RSRC1: variants seen among roughly 807,000 people sequenced by gnomAD.
RSRC1 encodes arginine and serine rich coiled-coil 1.
In RSRC1, 39 loss-of-function variants were observed where a neutral mutation model predicts 49.1. The observed-to-expected ratio is 0.79, with a 90% CI of 0.61 to 1.04. The LOEUF (loss-of-function observed/expected upper bound fraction) is 1.04, where lower values mean the gene tolerates loss of function less well. Ranked by LOEUF, RSRC1 falls within the 50% of genes least tolerant of loss-of-function variation. The pLI, the probability that RSRC1 is intolerant of heterozygous loss-of-function variation, is 0.00. For synonymous variants in RSRC1, 143 were observed against 130.8 expected, an observed-to-expected ratio of 1.09 and a Z score of -0.63; for missense variants, 388 against 402.4, an observed-to-expected ratio of 0.96 and a Z score of 0.31.
chr3:158,388,758 C>A (rs141599039), intron 6 of RSRC1, among the ~76,000 whole-genome samples: 1 of 152,024 alleles, frequency 6.6e-6, no homozygotes, highest in Non-Finnish European at 1.5e-5. Flanking sequence ...TACAGGCACA[C>A]GCCACCATGC....
chr3:158,489,600 T>C (rs1490532442), intron 7 of RSRC1, among the ~76,000 whole-genome samples: 6 of 152,060 alleles, frequency 3.9e-5, no homozygotes, highest in African/African-American at 7.2e-5. Context: ...AACAAACCAG[T>C]AAAAAACATG....
At chr3:158,189,960 A>G (rs1465591123) in intron 3 of RSRC1, among the ~76,000 whole-genome samples, 3 of 151,832 alleles carry the variant, frequency 2.0e-5, no homozygotes, top group African/African-American at 7.2e-5. Context: ...ATAAATTACT[A>G]CTTTTATTAC....
intron 7 of RSRC1, among the ~76,000 whole-genome samples, chr3:158,465,039 C>T (rs748705304): frequency 1.3e-5 from 2 of 152,130 alleles, no homozygotes; most frequent in Non-Finnish European, 2.9e-5. Context: ...TAGGAAGTTG[C>T]TTACTGTAAA....
At chr3:158,144,334 T>A (rs1716939712) in intron 3 of RSRC1, among the ~76,000 whole-genome samples, 1 of 152,110 alleles carries the variant, frequency 6.6e-6, no homozygotes, top group African/African-American at 2.4e-5. Context: ...CCTTCCTGTG[T>A]CCAAGTGTTC....
intron 5 of RSRC1, among the ~76,000 whole-genome samples, chr3:158,301,001 C>T (rs1049493680): frequency 6.6e-5 from 10 of 152,104 alleles, no homozygotes; most frequent in Admixed American, 2.0e-4. Context: ...GACTCTTCCC[C>T]TGGAACCTCT....
intron 4 of RSRC1, among the ~76,000 whole-genome samples, chr3:158,258,060 G>C (rs986803594): frequency 5.3e-5 from 8 of 151,998 alleles, no homozygotes; most frequent in Admixed American, 5.2e-4. Flanking sequence ...TTGTACTCAA[G>C]ATATGAGTAG....
chr3:158,267,310 C>T (rs889334239), intron 4 of RSRC1, among the ~76,000 whole-genome samples: 9 of 152,084 alleles, frequency 5.9e-5, no homozygotes, highest in African/African-American at 1.4e-4. Context: ...GACTATCATG[C>T]GTGAGAGTGA....
rs908260472 is a variant in RSRC1 at position 158,462,670 on chromosome 3, G to A, written c.652+1667G>A. On this transcript the variant is annotated intron_variant, in intron 7 of 9. Coordinates refer to ENST00000611884, the MANE Select transcript of RSRC1 (RefSeq NM_001271838.2). ...AGAACTCCTCATTTACATGTTGACA[G>A]TTGATATTTCTACAGCTCTCTTGTT... Among the ~76,000 whole-genome samples the A allele has an allele frequency of 2.6e-5, 4 of 151,898 alleles. No individual in the cohort carries two copies. The East Asian group carries it at 7.7e-4, about 29-fold the overall frequency.
At chr3:158,384,160 T>C (rs1466352632) in intron 6 of RSRC1, among the ~76,000 whole-genome samples, 1 of 151,710 alleles carries the variant, frequency 6.6e-6, no homozygotes, top group Non-Finnish European at 1.5e-5. Flanking sequence ...GAAGTAAGAG[T>C]TGAAATGGGG....
chr3:158,487,962 A>AAAAAAAAAAAAAAAAAAAAAAAAAAAG (rs1560062752), intron 7 of RSRC1, among the ~76,000 whole-genome samples: 1 of 147,704 alleles, frequency 6.8e-6, no homozygotes, highest in Non-Finnish European at 1.5e-5. Flanking sequence ...AAAAAAAAAA[A>AAAAAAAAAAAAAAAAAAAAAAAAAAAG]AAAAAAAAAA....
chr3:158,258,671 A>G (rs564175171), intron 4 of RSRC1, among the ~76,000 whole-genome samples: 3 of 152,046 alleles, frequency 2.0e-5, no homozygotes, highest in Non-Finnish European at 4.4e-5. Context: ...TTTAAGGCCA[A>G]TAACGCTTAG....
At chr3:158,170,180 A>G (rs1316726062) in intron 3 of RSRC1, among the ~76,000 whole-genome samples, 1 of 152,126 alleles carries the variant, frequency 6.6e-6, no homozygotes, top group East Asian at 1.9e-4. Flanking sequence ...TTTTTATTCT[A>G]TGAACATTAT....
intron 5 of RSRC1, among the ~76,000 whole-genome samples, chr3:158,334,614 G>A (rs1477583372): frequency 6.6e-6 from 1 of 150,478 alleles, no homozygotes; most frequent in Non-Finnish European, 1.5e-5. Flanking sequence ...CCAAGTAGCT[G>A]GGATTATAGG....
chr3:158,267,306 C>A (rs1185837507), intron 4 of RSRC1, among the ~76,000 whole-genome samples: 1 of 152,150 alleles, frequency 6.6e-6, no homozygotes, highest in African/African-American at 2.4e-5. Context: ...GTTTGACTAT[C>A]ATGCGTGAGA....
intron 4 of RSRC1, among the ~76,000 whole-genome samples, chr3:158,213,122 C>G (rs914786139): frequency 6.6e-6 from 1 of 151,832 alleles, no homozygotes; most frequent in African/African-American, 2.4e-5. Context: ...ACAGATATCT[C>G]TATGTTGGTT....
chr3:158,482,747 C>G (rs956349375), intron 7 of RSRC1, among the ~76,000 whole-genome samples: 8 of 151,976 alleles, frequency 5.3e-5, no homozygotes, highest in Non-Finnish European at 1.0e-4. Context: ...AGTAAACAAT[C>G]TAATACTTAA....
chr3:158,345,784 TATATACAC>T (rs969331535), intron 5 of RSRC1, among the ~76,000 whole-genome samples: 4 of 147,368 alleles, frequency 2.7e-5, no homozygotes, highest in African/African-American at 9.9e-5. Flanking sequence ...TGTATATATA[TATATACAC>T]ATATATATGT....
intron 3 of RSRC1, among the ~76,000 whole-genome samples, chr3:158,173,029 T>C (rs373366213): frequency 1.3e-5 from 2 of 152,216 alleles, no homozygotes; most frequent in East Asian, 3.9e-4. Flanking sequence ...TATGTATCTA[T>C]CTAATTTATC....
At position 158,444,135 on chromosome 3, in the gene RSRC1, T is replaced by A. The variant is rs571943849; in HGVS notation, c.584-16800T>A. Among the ~76,000 whole-genome samples the A allele has an allele frequency of 1.0e-3, 158 of 152,268 alleles. 1 individual carries two copies. Among genetic ancestry groups the A allele is most frequent in the African/African-American group, 3.6e-3 (148 of 41,564 alleles). ...ATTGTCAGAATTACCAAAATGTGTC[T>A]TCACAGAATTGGAAAAAACTACTTT... On this transcript the variant is annotated intron_variant, in intron 6 of 9. Transcript: ENST00000611884.
Sources: allele counts gnomAD v4.1 joint callset (sites outside exome capture counted in the v4.1 genomes callset), GRCh38; gene constraint gnomAD v4.1.1; transcripts MANE v1.5; gene names NCBI Gene and HGNC (gene_info 2026-07-23, HGNC 2026-07-21).